The following SDK1 variants were observed in gnomAD, a reference collection of about 807,000 sequenced individuals.
The protein encoded by SDK1 is protein sidekick-1.
SDK1 carries 157 observed loss-of-function variants against 245.5 expected under a neutral mutation model. That is an observed-to-expected ratio of 0.64 (90% CI 0.56 to 0.73). The LOEUF is 0.73. Among genes scored for constraint, SDK1 ranks in the 30% least tolerant of loss-of-function variants. SDK1 has a pLI of 0.00. For missense variants in SDK1, 3,583 were observed against 3,002.3 expected (o/e 1.19, Z -4.52); for synonymous variants, 1,647 against 1,278.5 (o/e 1.29, Z -6.15).
chr7:3,811,614 CCT>C (rs1225012936), intron 4 of SDK1, among the ~76,000 whole-genome samples: 1 of 152,164 alleles, frequency 6.6e-6, no homozygotes, highest in Non-Finnish European at 1.5e-5. Context: ...CACCAAAGCC[CCT>C]CTCTGCTGCT....
intron 1 of SDK1, among the ~76,000 whole-genome samples, chr7:3,327,772 G>C (rs1779971426): frequency 6.6e-6 from 1 of 152,064 alleles, no homozygotes; most frequent in Non-Finnish European, 1.5e-5. Context: ...TTTCTTTGCA[G>C]AAATAGTAAT....
chr7:4,089,346 C>T (rs1781640621), intron 22 of SDK1, among the ~76,000 whole-genome samples: 1 of 152,242 alleles, frequency 6.6e-6, no homozygotes, highest in Non-Finnish European at 1.5e-5. Flanking sequence ...GGGGCAGAGG[C>T]TGCAGCACTC....
chr7:4,165,509 G>A (rs548266493), intron 32 of SDK1, among the ~76,000 whole-genome samples: 1 of 152,218 alleles, frequency 6.6e-6, no homozygotes, highest in Admixed American at 6.5e-5. Context: ...TGAAAGCTAA[G>A]GAGTAGAACT....
At chr7:4,194,614 T>A (rs1023026434) in intron 35 of SDK1, among the ~76,000 whole-genome samples, 1 of 152,134 alleles carries the variant, frequency 6.6e-6, no homozygotes, top group Non-Finnish European at 1.5e-5. Flanking sequence ...GAGTCTGATA[T>A]TCAAAGGCAG....
intron 28 of SDK1, among the ~76,000 whole-genome samples, chr7:4,139,934 GC>G (rs1483964084): frequency 1.3e-5 from 2 of 152,082 alleles, no homozygotes; most frequent in Admixed American, 1.3e-4. Flanking sequence ...ATGGGGCAGG[GC>G]CCCAGGCCTC....
chr7:3,666,902 G>T (rs1307373013), intron 4 of SDK1, among the ~76,000 whole-genome samples: 1 of 152,082 alleles, frequency 6.6e-6, no homozygotes, highest in Non-Finnish European at 1.5e-5. Flanking sequence ...GTCACAAGAG[G>T]TGTTGGCTGG....
intron 14 of SDK1, among the ~76,000 whole-genome samples, chr7:3,990,747 C>G (rs1025391607): frequency 2.6e-5 from 4 of 152,190 alleles, no homozygotes; most frequent in African/African-American, 4.8e-5. Flanking sequence ...CAGTGGAGTC[C>G]TCTTGTGATG....
At chr7:3,455,884 T>A (rs1461241924) in intron 1 of SDK1, among the ~76,000 whole-genome samples, 2 of 152,368 alleles carry the variant, frequency 1.3e-5, no homozygotes, top group Admixed American at 6.5e-5. Flanking sequence ...TGACATTCTA[T>A]AAGGTGACAT....
At chr7:3,512,050 T>A (rs534009142) in intron 1 of SDK1, among the ~76,000 whole-genome samples, 3 of 151,884 alleles carry the variant, frequency 2.0e-5, no homozygotes, top group Non-Finnish European at 4.4e-5. Flanking sequence ...TTATGAGGTG[T>A]GTATTCATCA....
intron 17 of SDK1, among the ~76,000 whole-genome samples, chr7:4,024,660 A>T (rs559332468): frequency 2.4e-4 from 36 of 152,284 alleles, no homozygotes; most frequent in African/African-American, 7.2e-4. Flanking sequence ...TAAGATAAGC[A>T]TCATATCCCT....
At chr7:3,829,894 G>T (rs780334696) in intron 5 of SDK1, among the ~76,000 whole-genome samples, 4 of 152,166 alleles carry the variant, frequency 2.6e-5, no homozygotes, top group Non-Finnish European at 5.9e-5. Context: ...ACGTTTGGGC[G>T]GACAGCAAAC....
At chr7:3,750,609 T>A (rs947725386) in intron 4 of SDK1, among the ~76,000 whole-genome samples, 1 of 151,892 alleles carries the variant, frequency 6.6e-6, no homozygotes, top group African/African-American at 2.4e-5. Context: ...AGTGTGGGGG[T>A]CAGCGGATGG....
intron 1 of SDK1, among the ~76,000 whole-genome samples, chr7:3,599,437 C>T (rs562777844): frequency 1.6e-4 from 25 of 152,208 alleles, no homozygotes; most frequent in Admixed American, 1.4e-3. Context: ...CTCATCTCTC[C>T]GTAGAGTCTT....
intron 1 of SDK1, among the ~76,000 whole-genome samples, chr7:3,530,672 C>T (rs1226673501): frequency 1.3e-5 from 2 of 152,072 alleles, no homozygotes; most frequent in Admixed American, 6.6e-5. Context: ...ATTAATATTT[C>T]AGAATTATTG....
intron 5 of SDK1, among the ~76,000 whole-genome samples, chr7:3,944,214 A>G (rs1486399226): frequency 6.6e-6 from 1 of 152,212 alleles, no homozygotes; most frequent in African/African-American, 2.4e-5. Flanking sequence ...ATCACTTGAA[A>G]CCATGTGACT....
chr7:3,620,648 C>G (rs1781908643), intron 2 of SDK1, among the ~76,000 whole-genome samples: 1 of 152,084 alleles, frequency 6.6e-6, no homozygotes, highest in African/African-American at 2.4e-5. Flanking sequence ...TCTGTAAAAA[C>G]CTTGCTTCCC....
chr7:3,509,849 A>T (rs1782520731), intron 1 of SDK1, among the ~76,000 whole-genome samples: 1 of 152,152 alleles, frequency 6.6e-6, no homozygotes, highest in African/African-American at 2.4e-5. Context: ...TAGAGAATGG[A>T]ATGTTAAGTC....
At chr7:3,304,469 T>G (rs1779365456) in intron 1 of SDK1, among the ~76,000 whole-genome samples, 1 of 152,212 alleles carries the variant, frequency 6.6e-6, no homozygotes, top group Admixed American at 6.5e-5. Flanking sequence ...ATTCTGGCAG[T>G]GTTCAGTAGA....
At chr7:3,911,590 G>A (rs1039060437) in intron 5 of SDK1, among the ~76,000 whole-genome samples, 1 of 152,180 alleles carries the variant, frequency 6.6e-6, no homozygotes, top group African/African-American at 2.4e-5. Context: ...ACCTCTTAAT[G>A]CTATGACCTT....
Sources: gnomAD v4.1 joint callset for allele counts (sites outside exome capture counted in the v4.1 genomes callset) on GRCh38, gnomAD v4.1.1 for gene constraint, MANE v1.5 for transcripts, NCBI Gene and HGNC (gene_info 2026-07-23, HGNC 2026-07-21) for gene names.